The following POLE2 variants were observed in gnomAD, a reference collection of about 807,000 sequenced individuals.
POLE2 encodes DNA polymerase epsilon 2, accessory subunit.
Under a neutral mutation model 79.4 loss-of-function variants are expected in POLE2, and 56 were observed. The ratio of observed to expected loss-of-function variants is 0.71; its 90% CI spans 0.57 to 0.88. The LOEUF (loss-of-function observed/expected upper bound fraction) is 0.88, where lower values mean the gene tolerates loss of function less well. Among genes scored for constraint, POLE2 ranks in the 40% least tolerant of loss-of-function variants. The probability of loss-of-function intolerance (pLI) is 0.00; values close to 1 mark genes in which losing one functional copy is unlikely to be tolerated. For missense variants in POLE2, 598 were observed against 638.9 expected, an observed-to-expected ratio of 0.94 and a Z score of 0.69; for synonymous variants, 212 against 214.0, an observed-to-expected ratio of 0.99 and a Z score of 0.08.
intron 9 of POLE2, 133 bp downstream of exon 9, chr14:49,664,491 AAG>A (rs547503999): frequency 7.3e-5 from 50 of 686,696 alleles, no homozygotes; most frequent in Non-Finnish European, 1.2e-4. Flanking sequence ...TTAACAGTCT[AAG>A]AGTTATTTTG....
intron 3 of POLE2, chr14:49,677,773 G>T: frequency 2.1e-6 from 2 of 969,510 alleles, no homozygotes; most frequent in Non-Finnish European, 1.5e-6. Context: ...CAGGAGTGTG[G>T]CAGCTCCTGG....
intron 2 of POLE2, among the ~76,000 whole-genome samples, chr14:49,682,640 G>GAAAAAAAAAAAAAAAAAAA (rs35984833): frequency 1.6e-4 from 10 of 60,976 alleles, no homozygotes; most frequent in African/African-American, 5.2e-4. Context: ...CCTTCTCAGG[G>GAAAAAAAAAAAAAAAAAAA]AAAAAAAAAA....
intron 5 of POLE2, among the ~76,000 whole-genome samples, chr14:49,671,835 T>C (rs1401133838): frequency 6.6e-6 from 1 of 151,696 alleles, no homozygotes; most frequent in Non-Finnish European, 1.5e-5. Context: ...GTGCCTATAA[T>C]CCCAGCTACT....
intron 10 of POLE2, among the ~76,000 whole-genome samples, chr14:49,660,013 C>T (rs1389773239): frequency 1.3e-5 from 2 of 152,212 alleles, no homozygotes; most frequent in African/African-American, 2.4e-5. Context: ...TCACTCACTA[C>T]TCACTCACTG....
At chr14:49,684,752 T>A (rs1235241252) in intron 1 of POLE2, 2 of 148,194 alleles carry the variant, frequency 1.3e-5, no homozygotes, top group Non-Finnish European at 3.0e-5. Flanking sequence ...GACGGGCAGA[T>A]CACGAGGTCA....
chr14:49,667,474 T>A (rs1297546312), intron 6 of POLE2, among the ~76,000 whole-genome samples: 2 of 152,204 alleles, frequency 1.3e-5, no homozygotes, highest in Non-Finnish European at 2.9e-5. Context: ...GACATTTAAG[T>A]TGTTCCCAGT....
chr14:49,645,389 G>T (rs894996525), intron 18 of POLE2, among the ~76,000 whole-genome samples: 1 of 152,160 alleles, frequency 6.6e-6, no homozygotes, highest in Non-Finnish European at 1.5e-5. Flanking sequence ...CTAACAGAAG[G>T]CTTCTTAGGA....
At chr14:49,664,597 A>G (rs1885341366) in intron 9 of POLE2, 29 bp downstream of exon 9, 5 of 1,419,094 alleles carry the variant, frequency 3.5e-6, no homozygotes, top group East Asian at 2.3e-5. Flanking sequence ...GAATGAGAAG[A>G]AGGACAGTAA....
intron 10 of POLE2, among the ~76,000 whole-genome samples, chr14:49,660,484 A>C (rs1885024359): frequency 6.6e-6 from 1 of 151,994 alleles, no homozygotes; most frequent in African/African-American, 2.4e-5. Flanking sequence ...GCAATCATGA[A>C]CTACATTATT....
Position 49,654,233 on chromosome 14 carries a change from C to T in POLE2, c.1074-19G>A. Reference sequence around the variant, plus strand: ...ACGACTACTGTAGCAAAATTCAACACAATTCATTTAAAAATATTATTGTAA... The same window carrying T: ...ACGACTACTGTAGCAAAATTCAACATAATTCATTTAAAAATATTATTGTAA... On this transcript the variant is annotated intron_variant, in intron 13 of 18. Transcript: ENST00000216367. The T allele has an allele frequency of 1.9e-6, 3 of 1,558,456 alleles. No homozygotes were observed. Among genetic ancestry groups the T allele is most frequent in the South Asian group, 1.1e-5 (1 of 87,656 alleles).
At chr14:49,661,470 A>AATCAGAGC (rs1885095385) in intron 10 of POLE2, among the ~76,000 whole-genome samples, 1 of 152,206 alleles carries the variant, frequency 6.6e-6, no homozygotes, top group South Asian at 2.1e-4. Flanking sequence ...CCCAAACATA[A>AATCAGAGC]ATCAGAGCAT....
chr14:49,672,424 C>A (rs1485464250), intron 5 of POLE2, among the ~76,000 whole-genome samples: 1 of 151,898 alleles, frequency 6.6e-6, no homozygotes, highest in African/African-American at 2.4e-5. Context: ...TGACCATCTG[C>A]TCCTCCTTGA....
intron 17 of POLE2, among the ~76,000 whole-genome samples, chr14:49,649,606 C>T (rs1291596015): frequency 2.6e-5 from 4 of 151,880 alleles, no homozygotes; most frequent in East Asian, 1.9e-4. Flanking sequence ...CGCACCACCA[C>T]GCCCAGCTAA....
At chr14:49,663,507 G>T (rs1389791258) in intron 9 of POLE2, 120 bp from the exon 10 acceptor site, 1 of 494,954 alleles carries the variant, frequency 2.0e-6, no homozygotes, top group Non-Finnish European at 3.5e-6. Context: ...AATTACAGAG[G>T]TTGCCAACCT....
intron 15 of POLE2, 129 bp from the exon 16 acceptor site, chr14:49,651,506 C>CT: frequency 1.9e-6 from 1 of 514,090 alleles, no homozygotes. Context: ...CAACCAGAGT[C>CT]TGTCTATTCA....
intron 16 of POLE2, among the ~76,000 whole-genome samples, chr14:49,651,045 C>A (rs1302070389): frequency 6.8e-6 from 1 of 148,072 alleles, no homozygotes. Context: ...AAATTTCATG[C>A]TTATTCTCAG....
intron 15 of POLE2, among the ~76,000 whole-genome samples, chr14:49,653,231 G>A (rs1198833626): frequency 2.0e-5 from 3 of 152,136 alleles, no homozygotes; most frequent in African/African-American, 7.2e-5. Context: ...TGTGGAAGGT[G>A]TCAATACACA....
chr14:49,684,198 C>G (rs1886942333), intron 1 of POLE2, among the ~76,000 whole-genome samples: 1 of 152,182 alleles, frequency 6.6e-6, no homozygotes, highest in South Asian at 2.1e-4. Flanking sequence ...CGCGGTGGCT[C>G]ACGCCTGTAA....
rs753241335 is a variant in POLE2 at position 49,671,420 on chromosome 14, C to G, written c.418-1822G>C. ...GATCACGAGGTCAGGAGATGGAGAC[C>G]ATTCTGGCTAACACAGTGAAACCCA... On this transcript the variant is annotated intron_variant, in intron 5 of 18. Transcript: ENST00000216367. 5.9e-4 allele frequency among the ~76,000 whole-genome samples: 89 copies of G among 151,694 alleles called. 2 individuals are homozygous for G. In the Middle Eastern group the frequency reaches 0.01, roughly 17 times the overall value.
Sources: gnomAD v4.1 joint callset for allele counts (sites outside exome capture counted in the v4.1 genomes callset) on GRCh38, gnomAD v4.1.1 for gene constraint, MANE v1.5 for transcripts, NCBI Gene and HGNC (gene_info 2026-07-23, HGNC 2026-07-21) for gene names.